The following ADAMTSL1 variants were observed in gnomAD, a reference collection of about 807,000 sequenced individuals.
The protein encoded by ADAMTSL1 is ADAMTS-like protein 1.
A neutral mutation model predicts 201.8 loss-of-function variants in ADAMTSL1; 126 were observed. The ratio of observed to expected loss-of-function variants is 0.62; its 90% CI spans 0.54 to 0.72. The LOEUF (loss-of-function observed/expected upper bound fraction) is 0.72. Among genes scored for constraint, ADAMTSL1 ranks in the 30% least tolerant of loss-of-function variants. The pLI is 0.00. For missense variants in ADAMTSL1, 2,679 were observed against 2,277.8 expected (o/e 1.18, Z -3.59); for synonymous variants, 1,121 against 903.4 (o/e 1.24, Z -4.32).
At chr9:18,091,074 T>C (rs1057345746) in intron 1 of ADAMTSL1, among the ~76,000 whole-genome samples, 1 of 147,642 alleles carries the variant, frequency 6.8e-6, no homozygotes. Context: ...TATGCATGTG[T>C]GTGTGTGTGT....
intron 2 of ADAMTSL1, among the ~76,000 whole-genome samples, chr9:18,195,608 C>A (rs975573239): frequency 2.0e-5 from 3 of 152,070 alleles, no homozygotes; most frequent in Non-Finnish European, 1.5e-5. Flanking sequence ...GGAGACATTT[C>A]TTCTAGTGGT....
intron 9 of ADAMTSL1, among the ~76,000 whole-genome samples, chr9:18,666,976 C>T (rs1267219856): frequency 7.6e-5 from 11 of 144,808 alleles, no homozygotes; most frequent in Admixed American, 1.4e-4. Flanking sequence ...TTGGCACAGA[C>T]CTTTAGTTTT....
chr9:18,853,721 G>A (rs1397975040), intron 23 of ADAMTSL1, among the ~76,000 whole-genome samples: 4 of 152,310 alleles, frequency 2.6e-5, no homozygotes, highest in African/African-American at 9.6e-5. Flanking sequence ...GGAGGCAAAA[G>A]GCAAGATACG....
At chr9:18,297,582 G>A (rs1015848032) in intron 2 of ADAMTSL1, among the ~76,000 whole-genome samples, 4 of 152,166 alleles carry the variant, frequency 2.6e-5, no homozygotes, top group South Asian at 2.1e-4. Flanking sequence ...AAAAGGCTCC[G>A]TAAAAGGTCA....
chr9:18,229,641 A>G (rs1016184946), intron 2 of ADAMTSL1, among the ~76,000 whole-genome samples: 74 of 152,198 alleles, frequency 4.9e-4, no homozygotes, highest in African/African-American at 1.6e-3. Context: ...GTCTCTTCCA[A>G]TCATAAAGTT....
intron 1 of ADAMTSL1, among the ~76,000 whole-genome samples, chr9:18,028,675 A>C (rs942245035): frequency 2.0e-5 from 3 of 152,130 alleles, no homozygotes; most frequent in African/African-American, 7.2e-5. Context: ...CTTGTAGTAT[A>C]GTTTGAAGTC....
chr9:18,614,459 A>G (rs1825578161), intron 4 of ADAMTSL1, among the ~76,000 whole-genome samples: 1 of 152,166 alleles, frequency 6.6e-6, no homozygotes, highest in Admixed American at 6.5e-5. Flanking sequence ...ATTTTTGTGA[A>G]ATAGACACAA....
At chr9:18,485,513 G>C (rs1380120104) in intron 1 of ADAMTSL1, among the ~76,000 whole-genome samples, 1 of 152,206 alleles carries the variant, frequency 6.6e-6, no homozygotes, top group African/African-American at 2.4e-5. Context: ...GCAGAGCAGA[G>C]GATATGAGTT....
intron 1 of ADAMTSL1, among the ~76,000 whole-genome samples, chr9:18,053,403 A>G (rs1220814268): frequency 6.6e-6 from 1 of 152,250 alleles, no homozygotes; most frequent in Non-Finnish European, 1.5e-5. Context: ...ACTTTTTCAC[A>G]GTAAAGAGAT....
chr9:18,042,117 C>T (rs987843447), intron 1 of ADAMTSL1, among the ~76,000 whole-genome samples: 16 of 148,314 alleles, frequency 1.1e-4, no homozygotes, highest in African/African-American at 2.5e-4. Context: ...AAAAAGCTTA[C>T]GAACACTAAG....
chr9:18,895,075 C>T (rs1829537398), intron 26 of ADAMTSL1, among the ~76,000 whole-genome samples: 1 of 152,184 alleles, frequency 6.6e-6, no homozygotes, highest in South Asian at 2.1e-4. Context: ...AGGCAGTTAC[C>T]TGTAACTCTG....
rs781338956 is a variant in ADAMTSL1 at position 18,889,868 on chromosome 9, G to A, written c.4643+120G>A. 2.0e-5 allele frequency: 21 copies of A among 1,050,162 alleles called. No individual in the cohort carries two copies. In the South Asian group the frequency reaches 4.6e-4, roughly 23 times the overall value. 65.1% of individuals were successfully genotyped at this position (1,050,162 alleles called of 1,614,324 possible). The stretch of plus-strand genomic sequence containing the variant: ...AGGGAGAGATGCCAGCCAAGGAGCT[G>A]TTCTTCCCTCTAGGCACAGGCTTAT... On this transcript the variant is annotated intron_variant, in intron 25 of 28. Transcript: ENST00000380548.
chr9:18,400,193 A>G lies in ADAMTSL1; in HGVS notation c.208-104636A>G, dbSNP rs180963040. ...ACTTAAAGTATAATAATAATAAAAA[A>G]GAAATAACATACTTTTACATTATTG... On this transcript the variant is annotated intron_variant, in intron 2 of 29. Transcript: ENST00000680146. Among the ~76,000 whole-genome samples, 1,363 of 152,322 alleles carry G rather than the reference A, an allele frequency of 8.9e-3. 17 individuals are homozygous for G. Among genetic ancestry groups the G allele is most frequent in the African/African-American group, 0.031 (1,291 of 41,566 alleles).
chr9:18,564,548 T>C (rs775245847), intron 3 of ADAMTSL1, among the ~76,000 whole-genome samples: 1 of 152,248 alleles, frequency 6.6e-6, no homozygotes, highest in Non-Finnish European at 1.5e-5. Flanking sequence ...GGAATTTATG[T>C]GCTGAAATAG....
intron 1 of ADAMTSL1, among the ~76,000 whole-genome samples, chr9:17,914,470 A>C (rs1394771348): frequency 6.6e-6 from 1 of 152,206 alleles, no homozygotes; most frequent in Non-Finnish European, 1.5e-5. Flanking sequence ...AAAATTCAGC[A>C]ACCCTTCATG....
chr9:18,140,107 G>T (rs927049700), intron 1 of ADAMTSL1, among the ~76,000 whole-genome samples: 1 of 152,048 alleles, frequency 6.6e-6, no homozygotes, highest in Non-Finnish European at 1.5e-5. Flanking sequence ...CTGCACTGGG[G>T]ATGCAAAGCT....
At chr9:18,545,491 A>G (rs896365205) in intron 3 of ADAMTSL1, among the ~76,000 whole-genome samples, 3 of 152,200 alleles carry the variant, frequency 2.0e-5, no homozygotes, top group African/African-American at 7.2e-5. Context: ...TATTCAAACA[A>G]GTCTATTATA....
chr9:18,223,410 A>T (rs891794390), intron 2 of ADAMTSL1, among the ~76,000 whole-genome samples: 15 of 152,086 alleles, frequency 9.9e-5, no homozygotes, highest in African/African-American at 3.6e-4. Context: ...TAAGAACTAC[A>T]AATATGTAAG....
chr9:18,323,018 A>C lies in ADAMTSL1; in HGVS notation c.207+159037A>C, dbSNP rs118151149. Among the ~76,000 whole-genome samples, 209 of 152,324 alleles carry C rather than the reference A, an allele frequency of 1.4e-3. 1 individual carries two copies. The highest frequency in any genetic ancestry group is 3.0e-3 in the Admixed American group (46 of 15,302). ...AATCTTTCAGAAAACAGAGGAGAGA[A>C]TACTTCCCTATTTGTTTTGAGACCA... is the stretch of plus-strand genomic sequence containing the variant. On this transcript the variant is annotated intron_variant, in intron 2 of 29. Coordinates refer to the ADAMTSL1 transcript ENST00000680146.
Sources: allele counts gnomAD v4.1 joint callset (sites outside exome capture counted in the v4.1 genomes callset), GRCh38; gene constraint gnomAD v4.1.1; transcripts MANE v1.5; gene names NCBI Gene and HGNC (gene_info 2026-07-23, HGNC 2026-07-21).